KCNN1: variants seen among roughly 807,000 people sequenced by gnomAD.
KCNN1 encodes potassium calcium-activated channel subfamily N member 1.
In KCNN1, 20 loss-of-function variants were observed where a neutral mutation model predicts 44.7. The observed-to-expected ratio is 0.45, with a 90% CI of 0.32 to 0.65. The LOEUF (loss-of-function observed/expected upper bound fraction) is 0.65, where lower values mean the gene tolerates loss of function less well. Among genes scored for constraint, KCNN1 ranks in the 30% least tolerant of loss-of-function variants. The pLI is 0.05. For missense variants in KCNN1, 632 were observed against 785.3 expected, an observed-to-expected ratio of 0.80 and a Z score of 2.33; for synonymous variants, 324 against 341.7, an observed-to-expected ratio of 0.95 and a Z score of 0.57.
At chr19:17,961,973 G>T (rs1231101811) in intron 2 of KCNN1, among the ~76,000 whole-genome samples, 2 of 152,324 alleles carry the variant, frequency 1.3e-5, no homozygotes, top group East Asian at 3.9e-4. Context: ...CAGTCCACCT[G>T]CGTAGCAAGA....
At position 17,958,573 on chromosome 19, in the gene KCNN1, C is replaced by A. The variant is rs377230268; in HGVS notation, c.-82+3892C>A. 2.2e-3 allele frequency among the ~76,000 whole-genome samples: 330 copies of A among 151,636 alleles called. 1 individual carries two copies. Among genetic ancestry groups the A allele is most frequent in the African/African-American group, 7.4e-3 (307 of 41,344 alleles). ...CAATCTCAGCTCACTGCAACCTCCACCTCCCAGGCTCAAGTGATTCTCGTG... is the reference window on the plus strand; with the variant it reads ...CAATCTCAGCTCACTGCAACCTCCAACTCCCAGGCTCAAGTGATTCTCGTG... On this transcript the variant is annotated intron_variant, in intron 2 of 10. Transcript: ENST00000222249.
At chr19:17,951,947 C>G (rs562328295) in intron 1 of KCNN1, among the ~76,000 whole-genome samples, 1 of 152,258 alleles carries the variant, frequency 6.6e-6, no homozygotes, top group Non-Finnish European at 1.5e-5. Flanking sequence ...TCAGTTTCCC[C>G]GTCTGTAAGA....
In KCNN1 at chr19:17,998,640, C is replaced by T; in HGVS notation, c.*234C>T. ...ACCTGGTCCCCCGACTCTCCCCAGG[C>T]CCCCGGTGGGCATGGAGCAGCCCGG... is the stretch of plus-strand genomic sequence containing the variant. On this transcript the variant is annotated 3_prime_UTR_variant, in exon 10 of 10. Coordinates refer to ENST00000684775, the MANE Select transcript of KCNN1 (RefSeq NM_001386974.1). This position sits in a 1 kb window ranked among gnomAD's most constrained non-coding sequence, Gnocchi z 5.4. The T allele has an allele frequency of 2.2e-6, 1 of 464,252 alleles. No individual in the cohort carries two copies. The highest frequency in any genetic ancestry group is 3.9e-5 in the Admixed American group (1 of 25,930). 28.8% of individuals were successfully genotyped at this position (464,252 alleles called of 1,614,324 possible).
intron 3 of KCNN1, among the ~76,000 whole-genome samples, chr19:17,977,347 C>CT (rs34570772): frequency 0.17 from 25,377 of 146,414 alleles, 2,401 homozygotes; most frequent in East Asian, 0.36. Flanking sequence ...GATGATTCCA[C>CT]TTTTTTTTTT....
chr19:17,997,309 C>T (rs534389133), intron 9 of KCNN1, among the ~76,000 whole-genome samples: 2 of 152,286 alleles, frequency 1.3e-5, no homozygotes, highest in East Asian at 3.9e-4. Flanking sequence ...GCCATGTCCC[C>T]ACGCTCCTGC....
intron 5 of KCNN1, among the ~76,000 whole-genome samples, chr19:17,988,154 C>CAAAAAAAAAAAAAAAAAAAA (rs59928660): frequency 1.9e-5 from 1 of 53,524 alleles, no homozygotes. Context: ...GACTCCATCT[C>CAAAAAAAAAAAAAAAAAAAA]AAAAAAAAAA....
chr19:17,988,698 G>T (rs1366521683), intron 6 of KCNN1, among the ~76,000 whole-genome samples, 173 bp downstream of exon 6: 3 of 152,118 alleles, frequency 2.0e-5, no homozygotes, highest in Non-Finnish European at 2.9e-5. Flanking sequence ...ATCACCTAAG[G>T]CCAGGAGTTC....
chr19:17,956,480 T>C (rs1388725226), intron 2 of KCNN1, among the ~76,000 whole-genome samples: 1 of 152,034 alleles, frequency 6.6e-6, no homozygotes, highest in Non-Finnish European at 1.5e-5. Context: ...CAGTGGCTGA[T>C]GCCTGTGATC....
At chr19:17,995,688 G>T (rs1351268297) in intron 9 of KCNN1, among the ~76,000 whole-genome samples, 1 of 151,900 alleles carries the variant, frequency 6.6e-6, no homozygotes, top group Non-Finnish European at 1.5e-5. Flanking sequence ...TAGGTTTAAG[G>T]TATTCTCCTG....
chr19:17,966,973 A>T (rs879343934), upstream of KCNN1, among the ~76,000 whole-genome samples: 3 of 145,400 alleles, frequency 2.1e-5, no homozygotes, highest in Non-Finnish European at 4.6e-5. Context: ...GGGGGGTTGC[A>T]GGGGGCGCCG....
At chr19:17,985,072 A>G (rs1230485296) in intron 4 of KCNN1, among the ~76,000 whole-genome samples, 2 of 151,556 alleles carry the variant, frequency 1.3e-5, no homozygotes, top group South Asian at 2.1e-4. Context: ...TGTTCATACA[A>G]CCTCACCTGG....
In KCNN1 at chr19:17,998,469, C is replaced by G. The variant is rs1000631107; in HGVS notation, c.*63C>G. ...TCGTGTGGCCGCCACCTCCGGGAAG[C>G]CTTGTACAGTGGCGCCTCTTGGAGT... On this transcript the variant is annotated 3_prime_UTR_variant, in exon 10 of 10. Coordinates refer to ENST00000684775, the MANE Select transcript of KCNN1 (RefSeq NM_001386974.1). The surrounding 1 kb of genome is among the most constrained non-coding windows in gnomAD (Gnocchi z 5.4). 2.1e-6 allele frequency: 3 copies of G among 1,410,130 alleles called. No individual in the cohort carries two copies. The highest frequency in any genetic ancestry group is 5.6e-5 in the Admixed American group (2 of 35,452). 87.4% of individuals were successfully genotyped at this position (1,410,130 alleles called of 1,614,324 possible).
chr19:17,977,092 T>C (rs1375420678), intron 3 of KCNN1, among the ~76,000 whole-genome samples: 3 of 152,048 alleles, frequency 2.0e-5, no homozygotes, highest in African/African-American at 7.2e-5. Context: ...TATAGAAGTC[T>C]GAGATCAAGG....
Position 17,998,407 on chromosome 19 carries a change from C to A in KCNN1, c.*1C>A. 6.8e-7 allele frequency: 1 copy of A among 1,466,592 alleles called. No individual in the cohort carries two copies. The highest frequency in any genetic ancestry group is 9.0e-7 in the Non-Finnish European group (1 of 1,115,922). The allele number at this position is 1,466,592 out of a possible 1,614,324, so 90.8% of individuals were successfully genotyped here. A position where few individuals can be genotyped will look rare whatever the true frequency, so the allele number is the denominator to read the frequency against. On this transcript the variant is annotated 3_prime_UTR_variant, in exon 10 of 10. Coordinates refer to ENST00000684775, the MANE Select transcript of KCNN1 (RefSeq NM_001386974.1). This position sits in a 1 kb window ranked among gnomAD's most constrained non-coding sequence, Gnocchi z 5.4. ...CGTGGCCCCCTCGGACTGCGGGTGA[C>A]GGCCCTGCCCGCCACCAGACCCCTA...
chr19:17,979,602 G>A (rs889498948), intron 3 of KCNN1, among the ~76,000 whole-genome samples: 17 of 151,764 alleles, frequency 1.1e-4, no homozygotes, highest in Non-Finnish European at 2.2e-4. Flanking sequence ...GATTGGTCCC[G>A]GCTCCGTAAC....
intron 5 of KCNN1, among the ~76,000 whole-genome samples, chr19:17,985,704 C>T (rs1488286651): frequency 1.3e-5 from 2 of 152,178 alleles, no homozygotes; most frequent in African/African-American, 4.8e-5. Flanking sequence ...CAGCTCCCAC[C>T]ATGCCTGCCC....
chr19:17,997,899 A>G (rs11669406), intron 9 of KCNN1, among the ~76,000 whole-genome samples: 22,694 of 150,292 alleles, frequency 0.15, 1,891 homozygotes, highest in Non-Finnish European at 0.19. Flanking sequence ...CTCTGTCTCA[A>G]AGAAAAAAAA....
At chr19:17,957,195 AGAGGG>A (rs1248047879) in intron 2 of KCNN1, among the ~76,000 whole-genome samples, 9 of 89,882 alleles carry the variant, frequency 1.0e-4, no homozygotes, top group African/African-American at 1.3e-4. Flanking sequence ...AGAGGGGAGG[AGAGGG>A]GAGGAGAGGA....
rs115169939 is a variant in KCNN1, at chr19:17,998,199, C to A, written c.1425C>A (p.His475Gln). The A allele has an allele frequency of 1.3e-6, 2 of 1,596,622 alleles. No individual in the cohort carries two copies. Among genetic ancestry groups the A allele is most frequent in the Admixed American group, 1.7e-5 (1 of 57,814 alleles). ...YDLVSELHAQ[H>Q]EELEARLATL... Reference sequence around the variant, plus strand: ...TTGTATCGGAGCTGCACGCTCAGCACGAGGAGCTGGAGGCCCGCCTGGCCA... The same window carrying A: ...TTGTATCGGAGCTGCACGCTCAGCAAGAGGAGCTGGAGGCCCGCCTGGCCA... Residue 475 changes from histidine to glutamine, a missense_variant, in exon 10 of 10, where the codon CAC becomes CAA. By Grantham distance (24) the His-to-Gln change is conservative. Around this residue, in one of 3 missense-constraint regions of KCNN1, gnomAD observed 237 missense variants for 253.0 expected, o/e 0.94. Transcript: ENST00000684775. The surrounding 1 kb of genome is among the most constrained non-coding windows in gnomAD (Gnocchi z 5.4).
Sources: allele counts gnomAD v4.1 joint callset (sites outside exome capture counted in the v4.1 genomes callset), GRCh38; gene constraint gnomAD v4.1.1; regional missense constraint gnomAD v4.1.1; non-coding constraint Gnocchi (gnomAD v3.1); transcripts MANE v1.5; gene names NCBI Gene and HGNC (gene_info 2026-07-23, HGNC 2026-07-21).